RICTOR: variants seen among roughly 807,000 people sequenced by gnomAD.
The protein encoded by RICTOR is RPTOR independent companion of MTOR complex 2, also known as rapamycin-insensitive companion of mTOR.
RICTOR carries 49 observed loss-of-function variants against 214.9 expected under a neutral mutation model. The observed-to-expected ratio is 0.23, with a 90% CI of 0.18 to 0.29. The LOEUF (loss-of-function observed/expected upper bound fraction) is 0.29, where lower values mean the gene tolerates loss of function less well. RICTOR is among the 10% of genes least tolerant of loss of function. The pLI is 1.00. For synonymous variants in RICTOR, 717 were observed against 711.3 expected (o/e 1.01, Z -0.13); for missense variants, 1,625 against 2,047.0 (o/e 0.79, Z 3.98).
chr5:39,016,327 A>G (rs1754943826), intron 3 of RICTOR, among the ~76,000 whole-genome samples: 2 of 146,790 alleles, frequency 1.4e-5, no homozygotes, highest in Admixed American at 1.4e-4. Context: ...GAGGGGGAAC[A>G]GAGAAGGGGG....
chr5:39,048,069 T>C (rs577848959), intron 2 of RICTOR, among the ~76,000 whole-genome samples: 3 of 152,248 alleles, frequency 2.0e-5, no homozygotes, highest in South Asian at 2.1e-4. Context: ...AAAACATTAA[T>C]GAAAAGAAGG....
At position 38,940,448 on chromosome 5, in the gene RICTOR, G is replaced by A. The variant is rs16867891; in HGVS notation, c.*1856C>T. The stretch of plus-strand genomic sequence containing the variant: ...AGTAACTCTGACATTTGGTTCTCTG[G>A]AAAGGCAGTTTAGTTATCCAAGACC... On this transcript the variant is annotated 3_prime_UTR_variant, in exon 38 of 38. Transcript: ENST00000357387. 0.012 allele frequency: 2,906 copies of A among 232,602 alleles called. 109 individuals carry two copies. The highest frequency in any genetic ancestry group is 0.091 in the East Asian group (1,496 of 16,408). The allele number at this position is 232,602 out of a possible 1,614,324, so 14.4% of individuals were successfully genotyped here.
At chr5:38,986,436 T>C (rs1370266450) in intron 7 of RICTOR, among the ~76,000 whole-genome samples, 1 of 152,216 alleles carries the variant, frequency 6.6e-6, no homozygotes. Flanking sequence ...AGCCAGACTT[T>C]AGTAGATTCT....
rs1343561487 is a variant in RICTOR at position 39,037,966 on chromosome 5, TTA to T, written c.98-16832_98-16831del. Among the ~76,000 whole-genome samples the T allele has an allele frequency of 3.9e-5, 6 of 152,330 alleles. No homozygotes were observed. In the East Asian group the frequency reaches 1.2e-3, roughly 29 times the overall value. On this transcript the variant is annotated intron_variant, in intron 2 of 37. Transcript: ENST00000357387. ...AAGAGGGAATCCTCCCTAACTCATT[TTA>T]TGAGGCCAGCATCATCCTGATACCA... is the stretch of plus-strand genomic sequence containing the variant.
rs1757098182 is a variant in RICTOR at position 39,040,624 on chromosome 5, AGTT to A, written c.98-19491_98-19489del. On this transcript the variant is annotated intron_variant, in intron 2 of 37. Transcript: ENST00000357387. The stretch of plus-strand genomic sequence containing the variant: ...TCCTTCCAAGGTTCTTTTTCAAAAA[AGTT>A]GTTAACACTATCAATAGACTGGAAA... Among the ~76,000 whole-genome samples, 3 of 152,186 alleles carry A rather than the reference AGTT, an allele frequency of 2.0e-5. No individual in the cohort carries two copies. The South Asian group carries it at 6.2e-4, about 32-fold the overall frequency.
At chr5:38,964,127 T>C (rs1434382480) in intron 16 of RICTOR, among the ~76,000 whole-genome samples, 1 of 151,798 alleles carries the variant, frequency 6.6e-6, no homozygotes, top group African/African-American at 2.4e-5. Flanking sequence ...TTGATCATAA[T>C]AACAAAATAA....
At chr5:39,041,958 A>T (rs1757207308) in intron 2 of RICTOR, among the ~76,000 whole-genome samples, 1 of 151,624 alleles carries the variant, frequency 6.6e-6, no homozygotes, top group Admixed American at 6.6e-5. Flanking sequence ...AAAAAAAAAA[A>T]AAAAATTTAA....
At chr5:38,962,424 T>C in intron 18 of RICTOR, 61 bp downstream of exon 18, 1 of 1,183,064 alleles carries the variant, frequency 8.5e-7, no homozygotes, top group East Asian at 2.4e-5. Flanking sequence ...TATAAGATAA[T>C]TACGTTATAA....
intron 30 of RICTOR, 100 bp downstream of exon 30, chr5:38,952,096 C>T (rs1748842375): frequency 8.1e-6 from 6 of 736,932 alleles, no homozygotes; most frequent in Admixed American, 5.2e-5. Context: ...TTATCTTAGA[C>T]AAAAGCAAAT....
Position 38,996,848 on chromosome 5 carries a change from T to C in RICTOR, c.427A>G (p.Arg143Gly). 1.9e-6 allele frequency: 3 copies of C among 1,611,318 alleles called. No homozygotes were observed. Among genetic ancestry groups the C allele is most frequent in the Non-Finnish European group, 2.5e-6 (3 of 1,177,750 alleles). ...CTGACTAATCGAAGTGCTTGTGTCCTCTCTACCTCGTTGCTCTGTTGTATG... is the reference window on the plus strand; with the variant it reads ...CTGACTAATCGAAGTGCTTGTGTCCCCTCTACCTCGTTGCTCTGTTGTATG... ...IDIQQSNEVE[R>G]TQALRLVRKM... is the part of the protein sequence containing the mutation. Residue 143 changes from arginine to glycine, a missense_variant, in exon 6 of 38, where the codon AGG (arginine) becomes GGG (glycine). Coordinates refer to ENST00000357387, the MANE Select transcript of RICTOR (RefSeq NM_152756.5).
chr5:39,046,935 T>G (rs926868754), intron 2 of RICTOR, among the ~76,000 whole-genome samples: 4 of 152,194 alleles, frequency 2.6e-5, no homozygotes, highest in Admixed American at 2.6e-4. Context: ...TTTTACCCTT[T>G]AAGTCAATGC....
chr5:39,043,727 G>A (rs1757315242), intron 2 of RICTOR, among the ~76,000 whole-genome samples: 1 of 152,086 alleles, frequency 6.6e-6, no homozygotes, highest in Admixed American at 6.6e-5. Flanking sequence ...TGAGAGGTGG[G>A]GTCTTGAAGA....
chr5:38,982,777 CAT>C (rs952371136), intron 7 of RICTOR, among the ~76,000 whole-genome samples: 1 of 106,486 alleles, frequency 9.4e-6, no homozygotes, highest in Admixed American at 1.2e-4. Flanking sequence ...TACATACACA[CAT>C]ATATATATAC....
intron 10 of RICTOR, among the ~76,000 whole-genome samples, chr5:38,972,760 C>T (rs1034217972): frequency 2.0e-5 from 3 of 151,168 alleles, no homozygotes; most frequent in Admixed American, 6.6e-5. Context: ...TAGGTATTTA[C>T]GCAAGAGAAA....
At chr5:38,990,747 G>T (rs200373937) in intron 7 of RICTOR, among the ~76,000 whole-genome samples, 4,468 of 22,994 alleles carry the variant, frequency 0.19, 1,172 homozygotes, top group South Asian at 0.34. Context: ...ATATATATGA[G>T]ATATATGATA....
In RICTOR at chr5:38,955,611, G is replaced by A. The variant is rs1749187466; in HGVS notation, c.2593C>T (p.Arg865Cys). ...GGTACGCACCTTTGGTTACTCCGAC[G>A]AACATAGTTATCACCATCAACAGGC... ...RKPVDGDNYV[R>C]RSNQRLQRPH... Residue 865 changes from arginine (R) to cysteine (C), a missense_variant, in exon 26 of 38, where the codon CGT becomes TGT. Around this residue, in one of 5 missense-constraint regions of RICTOR, gnomAD observed 1,214 missense variants for 1,470.5 expected, o/e 0.83. Transcript: ENST00000357387. The A allele has an allele frequency of 4.4e-6, 7 of 1,596,434 alleles. No homozygotes were observed. The highest frequency in any genetic ancestry group is 6.0e-6 in the Non-Finnish European group (7 of 1,164,226).
intron 7 of RICTOR, among the ~76,000 whole-genome samples, chr5:38,988,071 CTG>C (rs1752310129): frequency 6.6e-6 from 1 of 151,964 alleles, no homozygotes; most frequent in South Asian, 2.1e-4. Context: ...GCCTGAGAGA[CTG>C]TCTTGATTTC....
intron 3 of RICTOR, among the ~76,000 whole-genome samples, chr5:39,020,652 T>C (rs768725585): frequency 3.5e-4 from 53 of 152,362 alleles, no homozygotes; most frequent in Non-Finnish European, 5.1e-4. Flanking sequence ...TATTACAACA[T>C]TGACTTTATT....
intron 2 of RICTOR, among the ~76,000 whole-genome samples, chr5:39,049,720 C>G (rs1757722465): frequency 1.3e-5 from 2 of 151,124 alleles, no homozygotes; most frequent in Non-Finnish European, 2.9e-5. Context: ...GGTAGAACTT[C>G]TTGAAATAAA....
Sources: gnomAD v4.1 joint callset for allele counts (sites outside exome capture counted in the v4.1 genomes callset) on GRCh38, gnomAD v4.1.1 for gene constraint, gnomAD v4.1.1 regional missense constraint, MANE v1.5 for transcripts, NCBI Gene and HGNC (gene_info 2026-07-23, HGNC 2026-07-21) for gene names.